CCNC: variants seen among roughly 807,000 people sequenced by gnomAD.
The protein encoded by CCNC is cyclin C, also known as cyclin-C.
In CCNC, 19 loss-of-function variants were observed where a neutral mutation model predicts 50.0. The ratio of observed to expected loss-of-function variants is 0.38; its 90% CI spans 0.27 to 0.56. The LOEUF is 0.56. CCNC is among the 20% of genes least tolerant of loss of function. CCNC has a pLI of 0.72. For missense variants in CCNC, 200 were observed against 327.1 expected (o/e 0.61, Z 3.00); for synonymous variants, 93 against 103.7 (o/e 0.90, Z 0.63).
intron 4 of CCNC, among the ~76,000 whole-genome samples, chr6:99,560,715 C>T (rs1802741426): frequency 1.3e-5 from 2 of 152,228 alleles, no homozygotes; most frequent in South Asian, 4.1e-4. Flanking sequence ...TCAGTCTCTG[C>T]CGCAAGTTCC....
intron 10 of CCNC, 46 bp downstream of exon 10, chr6:99,546,349 A>G (rs1412938532): frequency 2.5e-6 from 3 of 1,213,504 alleles, no homozygotes; most frequent in Non-Finnish European, 1.2e-6. Flanking sequence ...AGTAAATATG[A>G]CATTAATTTT....
At chr6:99,544,980 A>C in intron 11 of CCNC, 132 bp downstream of exon 11, 2 of 580,308 alleles carry the variant, frequency 3.4e-6, no homozygotes, top group South Asian at 4.9e-5. Context: ...CAAATTTAAA[A>C]AATAAAATTA....
chr6:99,553,824 TA>T (rs1271946851), intron 5 of CCNC, among the ~76,000 whole-genome samples: 1 of 152,234 alleles, frequency 6.6e-6, no homozygotes, highest in Non-Finnish European at 1.5e-5. Context: ...TACTTTCTTA[TA>T]TTAGCCCAAG....
chr6:99,555,537 A>T (rs115370833), intron 5 of CCNC, among the ~76,000 whole-genome samples: 11,621 of 151,980 alleles, frequency 0.076, 583 homozygotes, highest in South Asian at 0.12. Flanking sequence ...TCCTGGGCTT[A>T]GGCAACCCTC....
upstream of CCNC, chr6:99,568,727 C>T (rs563357804): frequency 3.5e-6 from 5 of 1,415,022 alleles, no homozygotes; most frequent in South Asian, 3.1e-5. Context: ...CTGTGCAAAC[C>T]CGTTCCTATC....
At chr6:99,549,348 G>T in intron 9 of CCNC, 160 bp downstream of exon 9, 11 of 647,014 alleles carry the variant, frequency 1.7e-5, no homozygotes, top group East Asian at 6.0e-5. Context: ...CCTGATTTAT[G>T]ACAGTTGCAG....
intron 11 of CCNC, 39 bp from the exon 12 acceptor site, chr6:99,543,648 A>AAAG: frequency 6.2e-7 from 1 of 1,610,614 alleles, no homozygotes; most frequent in East Asian, 2.2e-5. Flanking sequence ...ATACCAATTA[A>AAAG]AAGATCCATT....
chr6:99,567,618 A>C (rs746554673), intron 1 of CCNC, among the ~76,000 whole-genome samples: 14 of 152,188 alleles, frequency 9.2e-5, no homozygotes, highest in Non-Finnish European at 2.1e-4. Context: ...CGAAATTTAA[A>C]TTACTTACTA....
intron 5 of CCNC, among the ~76,000 whole-genome samples, chr6:99,553,056 A>T (rs2114313259): frequency 6.6e-6 from 1 of 151,894 alleles, no homozygotes; most frequent in African/African-American, 2.4e-5. Context: ...AAAAAAAGAA[A>T]GAAATTCCAT....
intron 11 of CCNC, among the ~76,000 whole-genome samples, chr6:99,544,733 A>G (rs962820364): frequency 7.0e-6 from 1 of 143,014 alleles, no homozygotes; most frequent in African/African-American, 2.6e-5. Flanking sequence ...AAACAGGACA[A>G]TAGCCAGCAG....
At chr6:99,553,050 AAAG>A (rs1802369427) in intron 5 of CCNC, among the ~76,000 whole-genome samples, 1 of 152,160 alleles carries the variant, frequency 6.6e-6, no homozygotes, top group Non-Finnish European at 1.5e-5. Flanking sequence ...AAAAAAAAAA[AAAG>A]AAAGAAATTC....
chr6:99,565,978 C>G (rs1483152553), intron 1 of CCNC, among the ~76,000 whole-genome samples: 1 of 151,870 alleles, frequency 6.6e-6, no homozygotes, highest in African/African-American at 2.4e-5. Context: ...TGAAATGGAA[C>G]AATTTCAAAA....
chr6:99,558,109 C>G, intron 5 of CCNC: 1 of 232,148 alleles, frequency 4.3e-6, no homozygotes, highest in Non-Finnish European at 8.2e-6. Context: ...CATAACAACC[C>G]AACAACACAG....
In CCNC at chr6:99,561,622, C is replaced by T. The variant is rs771063204; in HGVS notation, c.199G>A (p.Val67Ile). 5 of 1,609,552 alleles carry T rather than the reference C, an allele frequency of 3.1e-6. No homozygotes were observed. The highest frequency in any genetic ancestry group is 3.4e-6 in the Non-Finnish European group (4 of 1,176,636). Reference protein sequence around the residue: ...LRQQVIATATVYFKRFYARYS... With the variant: ...LRQQVIATATIYFKRFYARYS... Reference sequence around the variant, plus strand: ...CTGGCATAGAATCTCTTGAAATATACCGTAGCAGTGGCAATAACTTGTTGT... The same window carrying T: ...CTGGCATAGAATCTCTTGAAATATATCGTAGCAGTGGCAATAACTTGTTGT... Residue 67 changes from valine to isoleucine, a missense_variant, in exon 3 of 12, where the codon GTA (valine) becomes ATA (isoleucine). Val to Ile is a conservative substitution (Grantham distance 29). Coordinates refer to ENST00000520429, the MANE Select transcript of CCNC (RefSeq NM_005190.4).
chr6:99,550,903 G>A (rs1455077638), intron 7 of CCNC, 90 bp downstream of exon 7: 2 of 654,788 alleles, frequency 3.1e-6, no homozygotes, highest in Middle Eastern at 5.0e-4. Context: ...GTTTTAAAAT[G>A]TACCTCTCTA....
chr6:99,557,746 A>G lies in CCNC; in HGVS notation c.346+751T>C, dbSNP rs529296071. 2.1e-5 allele frequency: 3 copies of G among 139,896 alleles called. No individual in the cohort carries two copies. The South Asian group carries it at 7.1e-4, about 33-fold the overall frequency. 8.7% of individuals were successfully genotyped at this position (139,896 alleles called of 1,614,324 possible). A position where few individuals can be genotyped will look rare whatever the true frequency, so the allele number is the denominator to read the frequency against. ...ACTTGAACCCAGGAGGCGGAAGTTG[A>G]AGTGAGCACTCCAGCCTGGGCGACA... On this transcript the variant is annotated intron_variant, in intron 5 of 11. Transcript: ENST00000520429.
chr6:99,559,098 A>C (rs1802665294), intron 4 of CCNC, among the ~76,000 whole-genome samples: 1 of 152,016 alleles, frequency 6.6e-6, no homozygotes, highest in African/African-American at 2.4e-5. Flanking sequence ...TTCCTATTCA[A>C]TTCAACCTGT....
chr6:99,555,034 C>T (rs1277479943), intron 5 of CCNC, among the ~76,000 whole-genome samples: 3 of 152,202 alleles, frequency 2.0e-5, no homozygotes, highest in African/African-American at 7.2e-5. Context: ...CAATGAGAAA[C>T]CCGGCTCTCA....
intron 5 of CCNC, chr6:99,558,094 G>A (rs117440234): frequency 0.039 from 8,190 of 212,064 alleles, 240 homozygotes; most frequent in East Asian, 0.12. Context: ...AACTCATTTG[G>A]TCCTCATAAC....
Sources: gnomAD v4.1 joint callset for allele counts (sites outside exome capture counted in the v4.1 genomes callset) on GRCh38, gnomAD v4.1.1 for gene constraint, MANE v1.5 for transcripts, NCBI Gene and HGNC (gene_info 2026-07-23, HGNC 2026-07-21) for gene names.